SSUH2: variants seen among roughly 807,000 people sequenced by gnomAD.
SSUH2 encodes the protein protein SSUH2 homolog.
SSUH2 carries 47 observed loss-of-function variants against 55.3 expected under a neutral mutation model. The ratio of observed to expected loss-of-function variants is 0.85; its 90% CI spans 0.67 to 1.08. SSUH2 has a LOEUF of 1.08. SSUH2 is among the 50% of genes least tolerant of loss of function. The probability of loss-of-function intolerance (pLI) is 0.00; values close to 1 mark genes in which losing one functional copy is unlikely to be tolerated. For synonymous variants in SSUH2, 212 were observed against 191.5 expected, an observed-to-expected ratio of 1.11 and a Z score of -0.89; for missense variants, 535 against 490.7, an observed-to-expected ratio of 1.09 and a Z score of -0.85.
At chr3:8,630,959 G>C in intron 5 of SSUH2, 30 bp from the exon 6 acceptor site, 1 of 1,349,656 alleles carries the variant, frequency 7.4e-7, no homozygotes, top group South Asian at 2.4e-5. Context: ...TTGTAAGAAT[G>C]ACGAAGGGCA....
chr3:8,671,249 A>G (rs1704529671), intron 4 of SSUH2: 1 of 169,398 alleles, frequency 5.9e-6, no homozygotes, highest in African/African-American at 2.3e-5. Context: ...CTGTGTGTCC[A>G]CCCCGTGTGA....
Position 8,625,554 on chromosome 3 carries a change from A to G in SSUH2, c.861T>C (p.Asp287=). Residue 287 remains aspartate (D), a synonymous_variant, in exon 10 of 12, where the codon GAT becomes GAC. Transcript: ENST00000544814. The part of the protein sequence containing the change: ...AKAKGENLFK[D]ENSVVYPIVD... ...AATGCCCTCTTACCACCGAGTTTTCATCCTTAAAGAGGTTTTCTCCTTTGG... is the reference window on the plus strand; with the variant it reads ...AATGCCCTCTTACCACCGAGTTTTCGTCCTTAAAGAGGTTTTCTCCTTTGG... 1 of 1,612,370 alleles carries G rather than the reference A, an allele frequency of 6.2e-7. No homozygotes were observed. The highest frequency in any genetic ancestry group is 1.7e-4 in the Middle Eastern group (1 of 6,056).
At chr3:8,671,862 T>C (rs1162110919) in intron 4 of SSUH2, 1 of 143,856 alleles carries the variant, frequency 7.0e-6, no homozygotes, top group Non-Finnish European at 1.5e-5. Context: ...CCTCCCGCGA[T>C]GCGGGGAGTA....
chr3:8,625,426 C>T, intron 10 of SSUH2, 116 bp downstream of exon 10: 1 of 655,280 alleles, frequency 1.5e-6, no homozygotes, highest in East Asian at 2.8e-5. Flanking sequence ...AGCTCTGCTC[C>T]TACACAACCT....
chr3:8,671,460 C>T (rs968032715), intron 4 of SSUH2, among the ~76,000 whole-genome samples: 1 of 152,052 alleles, frequency 6.6e-6, no homozygotes, highest in East Asian at 1.9e-4. Context: ...TAAGAGGTGA[C>T]ATCCCTCTAG....
intron 9 of SSUH2, 110 bp from the exon 10 acceptor site, chr3:8,625,757 A>C (rs1575061802): frequency 1.4e-6 from 1 of 700,322 alleles, no homozygotes; most frequent in Non-Finnish European, 2.5e-6. Flanking sequence ...TACTGGAGGG[A>C]CCTTGCAACA....
chr3:8,669,983 C>T, intron 5 of SSUH2, among the ~76,000 whole-genome samples: 1 of 152,148 alleles, frequency 6.6e-6, no homozygotes, highest in East Asian at 1.9e-4. Flanking sequence ...TAGTGTTGTC[C>T]TGGCATTAAT....
intron 1 of SSUH2, among the ~76,000 whole-genome samples, chr3:8,637,096 A>G (rs1429298750): frequency 2.6e-5 from 4 of 152,182 alleles, no homozygotes; most frequent in Non-Finnish European, 5.9e-5. Context: ...GTCTTTTCCT[A>G]GGCTAGCAAT....
chr3:8,634,426 A>G, intron 3 of SSUH2: 1 of 1,290,390 alleles, frequency 7.7e-7, no homozygotes, highest in South Asian at 1.2e-5. Context: ...AACACCTCCA[A>G]GAGGAAAGAA....
At chr3:8,634,740 C>T in intron 3 of SSUH2, 15 of 411,972 alleles carry the variant, frequency 3.6e-5, no homozygotes, top group South Asian at 2.9e-4. Flanking sequence ...TCATGCTGCC[C>T]AGGTGAGAGG....
intron 8 of SSUH2, 22 bp downstream of exon 8, chr3:8,627,676 G>A (rs755740096): frequency 8.4e-6 from 12 of 1,430,600 alleles, no homozygotes; most frequent in Admixed American, 8.2e-5. Context: ...ACTTCACCGC[G>A]GTGCTGGGGA....
chr3:8,646,296 AAAC>A (rs1315551307), upstream of SSUH2, among the ~76,000 whole-genome samples: 1 of 152,220 alleles, frequency 6.6e-6, no homozygotes, highest in Non-Finnish European at 1.5e-5. Context: ...AACTTAACTA[AAAC>A]AATATACCAC....
chr3:8,629,829 G>A (rs1367271115), intron 6 of SSUH2, 103 bp from the exon 7 acceptor site: 1 of 1,084,758 alleles, frequency 9.2e-7, no homozygotes, highest in Non-Finnish European at 1.4e-6. Context: ...TCAGGACCAG[G>A]ATAGGAAGAT....
chr3:8,631,666 G>A (rs556283965), intron 5 of SSUH2, among the ~76,000 whole-genome samples: 1 of 152,050 alleles, frequency 6.6e-6, no homozygotes, highest in Non-Finnish European at 1.5e-5. Flanking sequence ...GCAGAAGGTG[G>A]GGTGGCAAGG....
rs78444514 is a variant in SSUH2 at position 8,634,183 on chromosome 3, C to G, written c.210-388G>C. 5.2e-3 allele frequency: 3,101 copies of G among 598,804 alleles called. 81 individuals carry two copies. The highest frequency in any genetic ancestry group is 0.052 in the African/African-American group (2,761 of 53,496). The allele number at this position is 598,804 out of a possible 1,614,324, so 37.1% of individuals were successfully genotyped here. On this transcript the variant is annotated intron_variant, in intron 3 of 11. Transcript: ENST00000544814. ...GAGACAGGCTAAATAAGGCTCCTGC[C>G]CTCGGGTACCTTGACCTTAGCCAGA...
intron 1 of SSUH2, among the ~76,000 whole-genome samples, chr3:8,637,995 T>G (rs1173000783): frequency 1.3e-5 from 2 of 152,188 alleles, no homozygotes; most frequent in East Asian, 3.8e-4. Flanking sequence ...CCAAGAAAAC[T>G]TCATTTGTGA....
chr3:8,632,902 G>T (rs1699088224), intron 4 of SSUH2, among the ~76,000 whole-genome samples: 1 of 152,188 alleles, frequency 6.6e-6, no homozygotes, highest in Non-Finnish European at 1.5e-5. Context: ...GTGGAAGTAT[G>T]AAGTGAGGAC....
At chr3:8,653,829 C>A (rs2125331849) in intron 7 of SSUH2, among the ~76,000 whole-genome samples, 1 of 152,284 alleles carries the variant, frequency 6.6e-6, no homozygotes, top group African/African-American at 2.4e-5. Context: ...AGATCGGGAA[C>A]AGAACATGAC....
At chr3:8,635,632 A>G in intron 2 of SSUH2, 127 bp downstream of exon 2, 2 of 917,248 alleles carry the variant, frequency 2.2e-6, no homozygotes, top group South Asian at 1.8e-5. Flanking sequence ...GCCCAAGATG[A>G]GGGGCTTCCC....
Sources: gnomAD v4.1 joint callset for allele counts (sites outside exome capture counted in the v4.1 genomes callset) on GRCh38, gnomAD v4.1.1 for gene constraint, MANE v1.5 for transcripts, NCBI Gene and HGNC (gene_info 2026-07-23, HGNC 2026-07-21) for gene names.